PLAA: variants seen among roughly 807,000 people sequenced by gnomAD.
PLAA encodes the protein phospholipase A-2-activating protein.
A neutral mutation model predicts 84.1 loss-of-function variants in PLAA; 48 were observed. The observed-to-expected ratio is 0.57, with a 90% CI of 0.45 to 0.73. The LOEUF is 0.73. Among genes scored for constraint, PLAA ranks in the 30% least tolerant of loss-of-function variants. PLAA has a pLI of 0.00. For synonymous variants in PLAA, 392 were observed against 336.6 expected (o/e 1.16, Z -1.80); for missense variants, 903 against 954.7 (o/e 0.95, Z 0.71).
chr9:26,904,354 T>G lies in PLAA; in HGVS notation c.*1157A>C, dbSNP rs113343714. 2.0e-5 allele frequency: 3 copies of G among 152,298 alleles called. No homozygotes were observed. The highest frequency in any genetic ancestry group is 6.8e-3 in the Middle Eastern group (2 of 294). 9.4% of individuals were successfully genotyped at this position (152,298 alleles called of 1,614,324 possible). A position where few individuals can be genotyped will look rare whatever the true frequency, so the allele number is the denominator to read the frequency against. ...ACTTTTGAAAATAGTTACGCTTCTC[T>G]CAAGAAACTGGGTTACCTCAGACAC... On this transcript the variant is annotated 3_prime_UTR_variant, in exon 14 of 14. Coordinates refer to ENST00000397292, the MANE Select transcript of PLAA (RefSeq NM_001031689.3).
chr9:26,906,603 T>C (rs1317774799), intron 13 of PLAA, among the ~76,000 whole-genome samples: 2 of 152,034 alleles, frequency 1.3e-5, no homozygotes, highest in African/African-American at 2.4e-5. Flanking sequence ...AATTTTTGTA[T>C]TGTTAGTAGA....
rs780758541 is a variant in PLAA at position 26,935,023 on chromosome 9, G to C, written c.333C>G (p.His111Gln). The change falls in exon 2 of 14, where the codon CAC (histidine) becomes CAG (glutamine). Residue 111 changes from histidine to glutamine, a missense_variant. Coordinates refer to ENST00000397292, the MANE Select transcript of PLAA (RefSeq NM_001031689.3). Reference protein sequence around the residue: ...SPMPLYILKGHKNTVCSLSSG... With the variant: ...SPMPLYILKGQKNTVCSLSSG... ...CATTATTATACTCACCAGTATTTTT[G>C]TGGCCTTTTAGAATATAAAGTGGCA... is the stretch of plus-strand genomic sequence containing the variant. 3.8e-6 allele frequency: 6 copies of C among 1,586,244 alleles called. No individual in the cohort carries two copies. Among genetic ancestry groups the C allele is most frequent in the Non-Finnish European group, 4.3e-6 (5 of 1,169,386 alleles).
chr9:26,925,731 C>A, intron 6 of PLAA, 94 bp downstream of exon 6: 2 of 1,071,118 alleles, frequency 1.9e-6, no homozygotes, highest in South Asian at 3.0e-5. Context: ...CTCCTCAAGT[C>A]ACGTGAAATT....
At position 26,936,349 on chromosome 9, in the gene PLAA, C is replaced by T. The variant is rs369894691; in HGVS notation, c.150-1143G>A. Among the ~76,000 whole-genome samples, 5 of 152,152 alleles carry T rather than the reference C, an allele frequency of 3.3e-5. No homozygotes were observed. The East Asian group carries it at 7.7e-4, about 23-fold the overall frequency. ...GAGTCCTAGCAGGCAGCAGGACAAC[C>T]GAAGAACCAATTTACCAACAAAGGG... On this transcript the variant is annotated intron_variant, in intron 1 of 13. Transcript: ENST00000397292.
chr9:26,939,987 G>C (rs749327520), intron 1 of PLAA, among the ~76,000 whole-genome samples: 12 of 152,120 alleles, frequency 7.9e-5, no homozygotes, highest in Non-Finnish European at 1.6e-4. Flanking sequence ...TAATCAGACA[G>C]AAAACATGTA....
intron 6 of PLAA, among the ~76,000 whole-genome samples, chr9:26,924,519 T>C (rs1000135738): frequency 1.1e-4 from 17 of 152,176 alleles, no homozygotes; most frequent in Non-Finnish European, 2.9e-5. Flanking sequence ...TTTCCTCTTA[T>C]TTGCCTTTTT....
chr9:26,939,118 G>A (rs531892364), intron 1 of PLAA, among the ~76,000 whole-genome samples: 1 of 152,192 alleles, frequency 6.6e-6, no homozygotes, highest in African/African-American at 2.4e-5. Context: ...GCCGGGCGCC[G>A]TGGCTCACGC....
chr9:26,915,964 T>C (rs1824540889), intron 10 of PLAA: 1 of 985,440 alleles, frequency 1.0e-6, no homozygotes, highest in Non-Finnish European at 1.2e-6. Context: ...AGATCCTTAC[T>C]ACCATTTGAA....
rs748406661 is a variant in PLAA at position 26,928,426 on chromosome 9, T to C, written c.344-18A>G. Reference sequence around the variant, plus strand: ...ACTACAAACTAAGGAAAAAACATCATTGGATAACACATTTTCATACAGAAA... The same window carrying C: ...ACTACAAACTAAGGAAAAAACATCACTGGATAACACATTTTCATACAGAAA... On this transcript the variant is annotated intron_variant, in intron 2 of 13. Transcript: ENST00000397292. The C allele has an allele frequency of 1.5e-5, 22 of 1,463,174 alleles. No homozygotes were observed. The highest frequency in any genetic ancestry group is 1.7e-4 in the Middle Eastern group (1 of 5,796). The allele number at this position is 1,463,174 out of a possible 1,614,324, so 90.6% of individuals were successfully genotyped here.
chr9:26,904,805 A>G lies in PLAA; in HGVS notation c.*706T>C, dbSNP rs1824177799. On this transcript the variant is annotated 3_prime_UTR_variant, in exon 14 of 14. Coordinates refer to ENST00000397292, the MANE Select transcript of PLAA (RefSeq NM_001031689.3). ...TAAACAGCCAAATATCAAAACTAGA[A>G]TGAAAAATGAAGTTACCTCAAATAG... is the stretch of plus-strand genomic sequence containing the variant. 1.3e-5 allele frequency: 2 copies of G among 152,428 alleles called. No homozygotes were observed. Among genetic ancestry groups the G allele is most frequent in the African/African-American group, 4.8e-5 (2 of 41,448 alleles). 9.4% of individuals were successfully genotyped at this position (152,428 alleles called of 1,614,324 possible).
rs756687047 is a variant in PLAA at position 26,905,769 on chromosome 9, A to G, written c.2130T>C (p.Ser710=). 4.3e-6 allele frequency: 7 copies of G among 1,614,136 alleles called. No individual in the cohort carries two copies. The East Asian group carries it at 1.3e-4, about 31-fold the overall frequency. The stretch of plus-strand genomic sequence containing the variant: ...TGTTATGGTCTTTATGAAAACAAAC[A>G]GAATAGTTCAGGGCCAATGTAGCCA... ...IALATLALNY[S]VCFHKDHNIE... The change falls in exon 14 of 14, where the codon TCT becomes TCC. Residue 710 remains serine, a synonymous_variant. Coordinates refer to ENST00000397292, the MANE Select transcript of PLAA (RefSeq NM_001031689.3).
chr9:26,908,211 A>G (rs1340857208), intron 12 of PLAA, among the ~76,000 whole-genome samples: 1 of 138,864 alleles, frequency 7.2e-6, no homozygotes, highest in Non-Finnish European at 1.5e-5. Context: ...TCAGTCGCCC[A>G]GGCTGGAGTG....
Position 26,947,027 on chromosome 9 carries a change from T to C in PLAA, c.19A>G (p.Arg7Gly). 6.3e-7 allele frequency: 1 copy of C among 1,587,652 alleles called. No individual in the cohort carries two copies. Among genetic ancestry groups the C allele is most frequent in the Non-Finnish European group, 8.6e-7 (1 of 1,167,708 alleles). Residue 7 changes from arginine (R) to glycine (G), a missense_variant, in exon 1 of 14, where the codon AGG (arginine) becomes GGG (glycine). Physicochemically the swap from Arg to Gly is moderately radical, Grantham distance 125. Coordinates refer to ENST00000397292, the MANE Select transcript of PLAA (RefSeq NM_001031689.3). MTSGAT[R>G]YRLSCSLRGH... ...CGGAGCGAGCAGCTCAGCCGGTACC[T>C]GGTTGCGCCGCTCGTCATGGCCAGT...
chr9:26,915,039 C>T (rs1385324209), intron 10 of PLAA, among the ~76,000 whole-genome samples: 1 of 151,724 alleles, frequency 6.6e-6, no homozygotes, highest in Non-Finnish European at 1.5e-5. Flanking sequence ...ATGGATAAAC[C>T]CTGTCTCTAC....
chr9:26,925,572 C>A (rs1563913292), intron 6 of PLAA, among the ~76,000 whole-genome samples: 2 of 152,240 alleles, frequency 1.3e-5, no homozygotes, highest in African/African-American at 4.8e-5. Flanking sequence ...TAGTCAATAT[C>A]TTGACTGCAC....
chr9:26,906,423 CTTTTTT>C (rs35324777), intron 13 of PLAA, among the ~76,000 whole-genome samples: 6 of 95,064 alleles, frequency 6.3e-5, no homozygotes, highest in East Asian at 6.9e-4. Flanking sequence ...AGGGAAAGTT[CTTTTTT>C]TTTTTTTTTT....
intron 10 of PLAA, chr9:26,916,528 G>C: frequency 1.0e-6 from 1 of 986,012 alleles, no homozygotes; most frequent in African/African-American, 1.7e-5. Context: ...ACTACTCCTG[G>C]GTAGTTGGGT....
At chr9:26,934,772 C>G (rs546650008) in intron 2 of PLAA, among the ~76,000 whole-genome samples, 21 of 152,254 alleles carry the variant, frequency 1.4e-4, no homozygotes, top group African/African-American at 4.8e-4. Flanking sequence ...AGCCACCGCT[C>G]CCGGCCAATA....
At chr9:26,940,971 G>C (rs1262672310) in intron 1 of PLAA, among the ~76,000 whole-genome samples, 1 of 152,102 alleles carries the variant, frequency 6.6e-6, no homozygotes, top group Non-Finnish European at 1.5e-5. Context: ...TACCCACTAT[G>C]TGTAACCCTT....
Sources: allele counts gnomAD v4.1 joint callset (sites outside exome capture counted in the v4.1 genomes callset), GRCh38; gene constraint gnomAD v4.1.1; transcripts MANE v1.5; gene names NCBI Gene and HGNC (gene_info 2026-07-23, HGNC 2026-07-21).